Variants in DLC1 observed in about 807,000 individuals in gnomAD.
The protein encoded by DLC1 is DLC1 Rho GTPase activating protein, also known as rho GTPase-activating protein 7.
Under a neutral mutation model 140.3 loss-of-function variants are expected in DLC1, and 54 were observed. The ratio of observed to expected loss-of-function variants is 0.38; its 90% CI spans 0.31 to 0.48. The LOEUF (loss-of-function observed/expected upper bound fraction) is 0.48, where lower values mean the gene tolerates loss of function less well. DLC1 is among the 20% of genes least tolerant of loss of function. DLC1 has a pLI of 0.96. For missense variants in DLC1, 2,536 were observed against 1,907.0 expected (o/e 1.33, Z -6.14); for synonymous variants, 986 against 728.1 (o/e 1.35, Z -5.70).
chr8:13,224,191 G>A (rs997403117), intron 5 of DLC1, among the ~76,000 whole-genome samples: 1 of 152,150 alleles, frequency 6.6e-6, no homozygotes, highest in Non-Finnish European at 1.5e-5. Flanking sequence ...TGAGGCTACT[G>A]AAATTCTTTT....
intron 5 of DLC1, among the ~76,000 whole-genome samples, chr8:13,148,930 C>G (rs931319419): frequency 3.9e-5 from 6 of 152,100 alleles, no homozygotes; most frequent in African/African-American, 1.4e-4. Flanking sequence ...GTAGCTGGGA[C>G]TACAGCTGCC....
At chr8:13,106,643 T>G (rs1239024612) in intron 7 of DLC1, among the ~76,000 whole-genome samples, 1 of 152,244 alleles carries the variant, frequency 6.6e-6, no homozygotes, top group African/African-American at 2.4e-5. Context: ...GGCTACGTGC[T>G]TACCTTTTAA....
chr8:13,195,386 T>C (rs567256666), intron 5 of DLC1, among the ~76,000 whole-genome samples: 1 of 152,194 alleles, frequency 6.6e-6, no homozygotes, highest in Non-Finnish European at 1.5e-5. Flanking sequence ...AACAGCCGCA[T>C]CGACATTTTG....
At chr8:13,388,579 A>G (rs1836621621) in intron 4 of DLC1, among the ~76,000 whole-genome samples, 1 of 152,060 alleles carries the variant, frequency 6.6e-6, no homozygotes, top group South Asian at 2.1e-4. Context: ...ATTCTACTGT[A>G]TAGTTAAGAA....
intron 4 of DLC1, among the ~76,000 whole-genome samples, chr8:13,390,931 G>A (rs999862831): frequency 1.3e-5 from 2 of 148,968 alleles, no homozygotes; most frequent in Admixed American, 6.8e-5. Flanking sequence ...CTCGCAGTGA[G>A]CTGAGATTGC....
chr8:13,564,169 G>GA (rs1326697851), intron 1 of DLC1, among the ~76,000 whole-genome samples: 1 of 151,852 alleles, frequency 6.6e-6, no homozygotes, highest in African/African-American at 2.4e-5. Context: ...ATCAATTTCA[G>GA]AAAAAAGATA....
intron 5 of DLC1, among the ~76,000 whole-genome samples, chr8:13,212,245 T>C (rs1344123212): frequency 6.6e-6 from 1 of 152,202 alleles, no homozygotes; most frequent in African/African-American, 2.4e-5. Flanking sequence ...ACGATGGCCT[T>C]CTCAGCTTCC....
chr8:13,589,689 G>T (rs1585309293), intron 1 of DLC1, among the ~76,000 whole-genome samples: 1 of 145,616 alleles, frequency 6.9e-6, no homozygotes, highest in Admixed American at 6.9e-5. Context: ...AGAATGCTCT[G>T]TTTTTTTTTT....
chr8:13,123,209 G>A (rs941081221), intron 5 of DLC1, among the ~76,000 whole-genome samples: 2 of 152,112 alleles, frequency 1.3e-5, no homozygotes, highest in Admixed American at 6.5e-5. Flanking sequence ...CCCTTTCATT[G>A]GTGAAAGCCA....
At position 13,309,152 on chromosome 8, in the gene DLC1, C is replaced by A. The variant is rs374878775; in HGVS notation, c.1315-3850G>T. ...CCATATGTTTCATTTGAACTGCATC[C>A]TCAGGAAGTGATTTAACATTTCTTG... On this transcript the variant is annotated intron_variant, in intron 4 of 17. Coordinates refer to ENST00000276297, the MANE Select transcript of DLC1 (RefSeq NM_182643.3). Among the ~76,000 whole-genome samples the A allele has an allele frequency of 1.8e-4, 27 of 152,278 alleles. No individual in the cohort carries two copies. The East Asian group carries it at 4.8e-3, about 27-fold the overall frequency.
intron 1 of DLC1, among the ~76,000 whole-genome samples, chr8:13,561,887 C>G (rs1477954789): frequency 2.0e-5 from 3 of 152,118 alleles, no homozygotes; most frequent in East Asian, 3.9e-4. Context: ...AATTAGATAT[C>G]AAAGACAAAG....
intron 5 of DLC1, among the ~76,000 whole-genome samples, chr8:13,281,883 A>G (rs983575406): frequency 6.6e-6 from 1 of 152,236 alleles, no homozygotes; most frequent in Middle Eastern, 3.2e-3. Context: ...CCTGAGCTAC[A>G]AAAAGTCACC....
chr8:13,115,595 G>C lies in DLC1; in HGVS notation c.1411C>G (p.Leu471Val), dbSNP rs1310193012. The C allele has an allele frequency of 6.8e-6, 11 of 1,613,676 alleles. No individual in the cohort carries two copies. The highest frequency in any genetic ancestry group is 1.7e-5 in the Admixed American group (1 of 59,950). The change falls in exon 6 of 18, where the codon CTT becomes GTT. Residue 471 changes from leucine (L) to valine (V), a missense_variant. Coordinates refer to ENST00000276297, the MANE Select transcript of DLC1 (RefSeq NM_182643.3). ...GGCATTCCCAGCTTACCTTCATAAA[G>C]CTGTGCATACTGGGGGAAACCAGTT... ...RATGFPQYAQ[L>V]YEDFLFPIDI...
chr8:13,386,131 A>C (rs912558337), intron 4 of DLC1, among the ~76,000 whole-genome samples: 3 of 152,190 alleles, frequency 2.0e-5, no homozygotes, highest in Admixed American at 6.5e-5. Context: ...CCACGGAAAA[A>C]CTAAATTTTT....
At chr8:13,427,303 C>T (rs1023136969) in intron 2 of DLC1, among the ~76,000 whole-genome samples, 5 of 152,088 alleles carry the variant, frequency 3.3e-5, no homozygotes, top group African/African-American at 9.7e-5. Context: ...GGCTCTGTCC[C>T]GACACTGGCT....
chr8:13,428,834 C>T (rs926649250), intron 2 of DLC1, among the ~76,000 whole-genome samples: 12 of 152,108 alleles, frequency 7.9e-5, no homozygotes, highest in East Asian at 1.9e-4. Flanking sequence ...TTCTTGAAAA[C>T]GTAGAACTAA....
intron 5 of DLC1, among the ~76,000 whole-genome samples, chr8:13,176,111 T>C (rs368285622): frequency 6.6e-6 from 1 of 152,234 alleles, no homozygotes; most frequent in East Asian, 1.9e-4. Context: ...AACTTCTTTT[T>C]TTATTTCAGA....
At chr8:13,431,949 G>C (rs1219161039) in intron 2 of DLC1, among the ~76,000 whole-genome samples, 1 of 152,158 alleles carries the variant, frequency 6.6e-6, no homozygotes, top group Admixed American at 6.5e-5. Flanking sequence ...TTTTCTACCA[G>C]ATCTTAGAAA....
At chr8:13,366,753 ACAC>A (rs1347327372) in intron 4 of DLC1, among the ~76,000 whole-genome samples, 2 of 152,250 alleles carry the variant, frequency 1.3e-5, no homozygotes, top group South Asian at 2.1e-4. Context: ...TCATCCTCAG[ACAC>A]AGGAAAGATC....
Sources: gnomAD v4.1 joint callset for allele counts (sites outside exome capture counted in the v4.1 genomes callset) on GRCh38, gnomAD v4.1.1 for gene constraint, MANE v1.5 for transcripts, NCBI Gene and HGNC (gene_info 2026-07-23, HGNC 2026-07-21) for gene names.